Variants in ROR2 observed in about 807,000 individuals in gnomAD.
The protein encoded by ROR2 is ROR family WNT receptor 2, also known as tyrosine-protein kinase transmembrane receptor ROR2.
In ROR2, 33 loss-of-function variants were observed where a neutral mutation model predicts 74.9. The observed-to-expected ratio is 0.44, with a 90% CI of 0.33 to 0.59. ROR2 has a LOEUF of 0.59. ROR2 is among the 20% of genes least tolerant of loss of function. The pLI is 0.02. For synonymous variants in ROR2, 586 were observed against 558.7 expected, an observed-to-expected ratio of 1.05 and a Z score of -0.69; for missense variants, 1,216 against 1,313.8, an observed-to-expected ratio of 0.93 and a Z score of 1.15.
At chr9:91,736,975 G>A (rs545713057) in intron 5 of ROR2, among the ~76,000 whole-genome samples, 6 of 152,266 alleles carry the variant, frequency 3.9e-5, no homozygotes, top group Non-Finnish European at 7.4e-5. Context: ...TGGACCAAAC[G>A]TGGCTCAGAG....
At chr9:91,793,119 T>G (rs1376735495) in intron 1 of ROR2, among the ~76,000 whole-genome samples, 1 of 152,124 alleles carries the variant, frequency 6.6e-6, no homozygotes, top group East Asian at 1.9e-4. Flanking sequence ...GAAACAAAAC[T>G]ATACATCAGT....
intron 1 of ROR2, among the ~76,000 whole-genome samples, chr9:91,780,254 G>A (rs1040478193): frequency 1.3e-5 from 2 of 152,274 alleles, no homozygotes; most frequent in Middle Eastern, 3.4e-3. Context: ...GCAGGAGCCT[G>A]TAGTCCCAGC....
intron 1 of ROR2, among the ~76,000 whole-genome samples, chr9:91,779,620 C>T (rs1826545278): frequency 6.6e-6 from 1 of 152,118 alleles, no homozygotes; most frequent in Admixed American, 6.5e-5. Flanking sequence ...ATCCACCCAC[C>T]TCAGCCTCCC....
Position 91,724,140 on chromosome 9 carries a change from CG to C in ROR2, c.2353del (p.Arg785AlafsTer20), listed in dbSNP as rs1836908629. The C allele has an allele frequency of 6.2e-7, 1 of 1,611,118 alleles. No homozygotes were observed. Among genetic ancestry groups the C allele is most frequent in the Admixed American group, 1.7e-5 (1 of 60,012 alleles). On this transcript the variant is annotated frameshift_variant, in exon 9 of 9. Coordinates refer to ENST00000375708, the MANE Select transcript of ROR2 (RefSeq NM_004560.4). LOFTEE classifies it high-confidence loss of function. ...GGCCTTCTGCTTGGGCCCCACGTAG[CG>C]GGCGTTGCTCACATTGCTCACTGGG... ...TSPVSNVSNA[R>X]YVGPKQKAPP... is the part of the protein sequence containing the mutation.
chr9:91,867,522 C>G (rs922556893), intron 1 of ROR2, among the ~76,000 whole-genome samples: 1 of 152,072 alleles, frequency 6.6e-6, no homozygotes, highest in African/African-American at 2.4e-5. Context: ...GGAACTAAAA[C>G]CCAAGATGTT....
intron 1 of ROR2, among the ~76,000 whole-genome samples, chr9:91,882,676 A>G (rs2119369296): frequency 6.6e-6 from 1 of 152,310 alleles, no homozygotes; most frequent in East Asian, 1.9e-4. Flanking sequence ...GTTTGGGGAT[A>G]AGGTTTTTAA....
chr9:91,775,537 C>T (rs916784612), intron 2 of ROR2, among the ~76,000 whole-genome samples: 1 of 152,184 alleles, frequency 6.6e-6, no homozygotes, highest in Admixed American at 6.5e-5. Context: ...CGTGTCACCT[C>T]CCACCTGTGG....
At chr9:91,731,844 G>A (rs189967494) in intron 6 of ROR2, among the ~76,000 whole-genome samples, 4 of 152,306 alleles carry the variant, frequency 2.6e-5, no homozygotes, top group Admixed American at 2.6e-4. Context: ...GAACCTGAGA[G>A]GTGGAGGTTG....
chr9:91,931,163 AC>A (rs1222230796), intron 1 of ROR2, among the ~76,000 whole-genome samples: 2 of 152,236 alleles, frequency 1.3e-5, no homozygotes, highest in African/African-American at 2.4e-5. Context: ...GAAGAAAAAA[AC>A]AATAGGATTA....
intron 1 of ROR2, among the ~76,000 whole-genome samples, chr9:91,945,662 A>G (rs1030456168): frequency 3.3e-5 from 5 of 152,220 alleles, no homozygotes; most frequent in Non-Finnish European, 7.3e-5. Context: ...GATAGGACTT[A>G]AAAAGAAAAC....
At chr9:91,759,385 C>A (rs1825849358) in intron 2 of ROR2, among the ~76,000 whole-genome samples, 1 of 152,184 alleles carries the variant, frequency 6.6e-6, no homozygotes, top group Non-Finnish European at 1.5e-5. Flanking sequence ...CTTTTCCATT[C>A]ACTGAATTAA....
intron 2 of ROR2, among the ~76,000 whole-genome samples, chr9:91,766,407 C>G (rs1826059138): frequency 6.6e-6 from 1 of 152,196 alleles, no homozygotes; most frequent in South Asian, 2.1e-4. Flanking sequence ...GGCATTTCTC[C>G]ACCTCCCTTG....
intron 1 of ROR2, among the ~76,000 whole-genome samples, chr9:91,787,339 C>T (rs1246266330): frequency 6.6e-6 from 1 of 152,070 alleles, no homozygotes; most frequent in Admixed American, 6.6e-5. Context: ...GCTGAAACCC[C>T]ATCTCTACCA....
intron 1 of ROR2, among the ~76,000 whole-genome samples, chr9:91,909,067 C>A (rs924051876): frequency 6.6e-6 from 1 of 152,238 alleles, no homozygotes; most frequent in Non-Finnish European, 1.5e-5. Flanking sequence ...CCTAACGCAA[C>A]ATGCTGCTTT....
intron 2 of ROR2, among the ~76,000 whole-genome samples, chr9:91,761,035 G>A (rs1478097670): frequency 2.0e-5 from 3 of 152,198 alleles, no homozygotes; most frequent in Non-Finnish European, 4.4e-5. Context: ...TGTGGCTGCT[G>A]TGACAAGTTA....
Position 91,772,323 on chromosome 9 carries a change from C to T in ROR2, c.175+3418G>A, listed in dbSNP as rs141434266. On this transcript the variant is annotated intron_variant, in intron 2 of 8. Coordinates refer to ENST00000375708, the MANE Select transcript of ROR2 (RefSeq NM_004560.4). ...TCACGATGGTGATGCTAACAAATGG[C>T]GCCAGCATCAGCTACTGTTTCTAGG... Among the ~76,000 whole-genome samples the T allele has an allele frequency of 2.2e-3, 342 of 152,312 alleles. 1 individual carries two copies. The highest frequency in any genetic ancestry group is 8.0e-3 in the African/African-American group (333 of 41,568).
At chr9:91,949,763 G>A (rs1185098135) in intron 1 of ROR2, 104 bp downstream of exon 1, 2 of 770,148 alleles carry the variant, frequency 2.6e-6, no homozygotes, top group Non-Finnish European at 2.2e-6. Context: ...TCGTTCAGGA[G>A]CATGGGCGCC....
intron 1 of ROR2, among the ~76,000 whole-genome samples, chr9:91,909,852 T>G (rs867458280): frequency 9.0e-6 from 1 of 111,536 alleles, no homozygotes; most frequent in African/African-American, 4.0e-5. Flanking sequence ...GTTTTGTTTT[T>G]TTTTTTTTTT....
chr9:91,837,174 G>A (rs1304667215), intron 1 of ROR2, among the ~76,000 whole-genome samples: 1 of 151,894 alleles, frequency 6.6e-6, no homozygotes, highest in East Asian at 1.9e-4. Context: ...TGTTTTTTGA[G>A]ATGGAGTCTC....
Sources: gnomAD v4.1 joint callset for allele counts (sites outside exome capture counted in the v4.1 genomes callset) on GRCh38, gnomAD v4.1.1 for gene constraint, MANE v1.5 for transcripts, NCBI Gene and HGNC (gene_info 2026-07-23, HGNC 2026-07-21) for gene names.